SEC24B: variants seen among roughly 807,000 people sequenced by gnomAD.
SEC24B encodes the protein protein transport protein Sec24B.
SEC24B carries 45 observed loss-of-function variants against 142.8 expected under a neutral mutation model. The observed-to-expected ratio is 0.32, with a 90% CI of 0.25 to 0.40. SEC24B has a LOEUF of 0.40. SEC24B is among the 10% of genes least tolerant of loss of function. The pLI is 1.00. For synonymous variants in SEC24B, 574 were observed against 568.2 expected (o/e 1.01, Z -0.15); for missense variants, 1,409 against 1,526.8 (o/e 0.92, Z 1.29).
intron 4 of SEC24B, among the ~76,000 whole-genome samples, chr4:109,484,723 A>C (rs1025711685): frequency 6.6e-6 from 1 of 151,896 alleles, no homozygotes; most frequent in Non-Finnish European, 1.5e-5. Context: ...GTGGTGGCGC[A>C]CACCCATAGT....
chr4:109,442,216 A>G lies in SEC24B; in HGVS notation c.133+8214A>G, dbSNP rs118183607. Among the ~76,000 whole-genome samples the G allele has an allele frequency of 5.3e-3, 802 of 152,238 alleles. 34 individuals are homozygous for G. The South Asian group carries it at 0.079, about 15-fold the overall frequency. On this transcript the variant is annotated intron_variant, in intron 1 of 23. Transcript: ENST00000265175. ...TGTGTATACTGACCACTAAATGGAT[A>G]CCATCCTTCATACCAGAGCAGGATC...
rs546502544 is a variant in SEC24B, at chr4:109,476,943, C to G, written c.1060+3757C>G. On this transcript the variant is annotated intron_variant, in intron 3 of 23. Coordinates refer to ENST00000265175, the MANE Select transcript of SEC24B (RefSeq NM_006323.5). ...ACGAGGTCAGGAGATCGAGACCATC[C>G]CGGCTAAAACGGTGAAACCCCGTCT... Among the ~76,000 whole-genome samples, 3 of 151,748 alleles carry G rather than the reference C, an allele frequency of 2.0e-5. 1 individual carries two copies. In the South Asian group the frequency reaches 6.2e-4, roughly 32 times the overall value.
intron 2 of SEC24B, among the ~76,000 whole-genome samples, chr4:109,470,380 T>A (rs1402823675): frequency 6.6e-6 from 1 of 152,250 alleles, no homozygotes; most frequent in Non-Finnish European, 1.5e-5. Flanking sequence ...GAGGTGTTGC[T>A]AGTCTGTAGA....
In SEC24B at chr4:109,434,011, G is replaced by T; in HGVS notation, c.133+9G>T. ...GCCGCACCAGCAGAACGGTGAGGCG[G>T]GCGGCCCGGGCGGAGCGCGGGGCCT... On this transcript the variant is annotated intron_variant, in intron 1 of 23. Transcript: ENST00000265175. The T allele has an allele frequency of 1.8e-6, 2 of 1,137,716 alleles. No individual in the cohort carries two copies. Among genetic ancestry groups the T allele is most frequent in the Non-Finnish European group, 2.2e-6 (2 of 929,032 alleles). 70.5% of individuals were successfully genotyped at this position (1,137,716 alleles called of 1,614,324 possible).
At chr4:109,491,570 C>G (rs1735024616) in intron 5 of SEC24B, among the ~76,000 whole-genome samples, 163 bp downstream of exon 5, 1 of 152,196 alleles carries the variant, frequency 6.6e-6, no homozygotes, top group Admixed American at 6.5e-5. Context: ...AGCGTTGTCA[C>G]TAACAACTAT....
chr4:109,442,488 G>A (rs13110999), intron 1 of SEC24B, among the ~76,000 whole-genome samples: 12,471 of 152,012 alleles, frequency 0.082, 613 homozygotes, highest in Middle Eastern at 0.18. Context: ...TACATTCTTC[G>A]ATCTGATTCT....
chr4:109,477,006 G>C (rs911899498), intron 3 of SEC24B, among the ~76,000 whole-genome samples: 2 of 150,584 alleles, frequency 1.3e-5, no homozygotes, highest in Non-Finnish European at 3.0e-5. Context: ...GCGTAGTGGC[G>C]GGCGCCTGTA....
chr4:109,529,710 T>C (rs907830697), intron 18 of SEC24B, among the ~76,000 whole-genome samples: 2 of 152,124 alleles, frequency 1.3e-5, no homozygotes, highest in Non-Finnish European at 2.9e-5. Flanking sequence ...TGGAAAAATA[T>C]GCATTTCACT....
At chr4:109,441,426 ATTTTC>A (rs1471016250) in intron 1 of SEC24B, among the ~76,000 whole-genome samples, 3 of 152,056 alleles carry the variant, frequency 2.0e-5, no homozygotes, top group East Asian at 1.9e-4. Flanking sequence ...ACCAATATTG[ATTTTC>A]TTTTCTTTCT....
At chr4:109,521,086 T>G (rs773446594) in intron 12 of SEC24B, 31 bp from the exon 13 acceptor site, 3 of 1,330,474 alleles carry the variant, frequency 2.3e-6, no homozygotes, top group Non-Finnish European at 3.2e-6. Flanking sequence ...TTTGTTCGAT[T>G]TGTTGATTAA....
At position 109,475,798 on chromosome 4, in the gene SEC24B, C is replaced by T. The variant is rs373374672; in HGVS notation, c.1060+2612C>T. ...TCATTTTTCTATTTGATGGCATATC[C>T]CCTTTCCTTAATGTAATAATAAAAT... On this transcript the variant is annotated intron_variant, in intron 3 of 23. Coordinates refer to ENST00000265175, the MANE Select transcript of SEC24B (RefSeq NM_006323.5). Among the ~76,000 whole-genome samples, 8 of 152,096 alleles carry T rather than the reference C, an allele frequency of 5.3e-5. No homozygotes were observed. In the East Asian group the frequency reaches 1.5e-3, roughly 29 times the overall value.
intron 4 of SEC24B, among the ~76,000 whole-genome samples, chr4:109,483,790 T>C (rs1466028524): frequency 6.6e-6 from 1 of 152,162 alleles, no homozygotes; most frequent in Non-Finnish European, 1.5e-5. Context: ...TTTCTGAAAT[T>C]TTTTTTGTAA....
chr4:109,539,531 T>C, intron 23 of SEC24B, 30 bp from the exon 24 acceptor site: 15 of 1,395,710 alleles, frequency 1.1e-5, no homozygotes, highest in Non-Finnish European at 1.4e-5. Flanking sequence ...TTTAAATACG[T>C]TTAGACAAAT....
At chr4:109,437,860 T>G (rs1466643328) in intron 1 of SEC24B, among the ~76,000 whole-genome samples, 1 of 152,202 alleles carries the variant, frequency 6.6e-6, no homozygotes, top group Non-Finnish European at 1.5e-5. Context: ...CCTGACCTTG[T>G]GATCCACCTG....
At chr4:109,435,620 C>T (rs942602796) in intron 1 of SEC24B, among the ~76,000 whole-genome samples, 1 of 152,180 alleles carries the variant, frequency 6.6e-6, no homozygotes, top group Non-Finnish European at 1.5e-5. Context: ...TGTACTCAGC[C>T]AAGTGTAATC....
At chr4:109,536,014 A>G (rs533362838) in intron 22 of SEC24B, among the ~76,000 whole-genome samples, 1 of 152,214 alleles carries the variant, frequency 6.6e-6, no homozygotes, top group Non-Finnish European at 1.5e-5. Flanking sequence ...TAATGTAAAT[A>G]TGTCCTTTTT....
intron 10 of SEC24B, among the ~76,000 whole-genome samples, 197 bp from the exon 11 acceptor site, chr4:109,516,328 TATC>T (rs1190995259): frequency 6.6e-6 from 1 of 152,200 alleles, no homozygotes; most frequent in African/African-American, 2.4e-5. Flanking sequence ...TCAACTGCCT[TATC>T]ATGCTTAGTC....
At chr4:109,491,465 C>A in intron 5 of SEC24B, 58 bp downstream of exon 5, 1 of 1,313,064 alleles carries the variant, frequency 7.6e-7, no homozygotes, top group South Asian at 1.2e-5. Context: ...CATCAGTTGC[C>A]TTCAAATGTG....
At chr4:109,462,178 C>G (rs1731328040) in intron 1 of SEC24B, among the ~76,000 whole-genome samples, 1 of 152,058 alleles carries the variant, frequency 6.6e-6, no homozygotes, top group Non-Finnish European at 1.5e-5. Context: ...AGCCATCACA[C>G]TCTATAGAGC....
Sources: allele counts gnomAD v4.1 joint callset (sites outside exome capture counted in the v4.1 genomes callset), GRCh38; gene constraint gnomAD v4.1.1; transcripts MANE v1.5; gene names NCBI Gene and HGNC (gene_info 2026-07-23, HGNC 2026-07-21).